SCP2: variants seen among roughly 807,000 people sequenced by gnomAD.
SCP2 encodes sterol carrier protein 2.
In SCP2, 48 loss-of-function variants were observed where a neutral mutation model predicts 71.4. That is an observed-to-expected ratio of 0.67 (90% CI 0.53 to 0.86). The LOEUF (loss-of-function observed/expected upper bound fraction) is 0.86, where lower values mean the gene tolerates loss of function less well. Ranked by LOEUF, SCP2 falls within the 40% of genes least tolerant of loss-of-function variation. The pLI is 0.00. For missense variants in SCP2, 560 were observed against 655.6 expected (o/e 0.85, Z 1.59); for synonymous variants, 220 against 218.1 (o/e 1.01, Z -0.08).
At chr1:52,965,527 A>T (rs960894220) in intron 6 of SCP2, among the ~76,000 whole-genome samples, 5 of 152,124 alleles carry the variant, frequency 3.3e-5, no homozygotes, top group African/African-American at 1.2e-4. Flanking sequence ...TTATTCCTAA[A>T]TACCTTCTTT....
chr1:52,952,566 T>C (rs1655411026), intron 4 of SCP2, among the ~76,000 whole-genome samples: 1 of 152,164 alleles, frequency 6.6e-6, no homozygotes, highest in Admixed American at 6.6e-5. Context: ...TTTTTTTGTT[T>C]CCATCAGTTG....
chr1:52,945,740 G>C (rs1349911793), intron 2 of SCP2, among the ~76,000 whole-genome samples: 1 of 142,400 alleles, frequency 7.0e-6, no homozygotes, highest in East Asian at 1.9e-4. Context: ...TTTAAGTTGT[G>C]CATAATATAT....
intron 10 of SCP2, among the ~76,000 whole-genome samples, chr1:52,983,482 G>A (rs908233461): frequency 4.6e-5 from 7 of 152,066 alleles, no homozygotes; most frequent in African/African-American, 1.7e-4. Flanking sequence ...TTGTCCCATA[G>A]GTCCCTGAAA....
At chr1:52,995,258 C>T (rs1659846094) in intron 11 of SCP2, 2 of 492,062 alleles carry the variant, frequency 4.1e-6, no homozygotes, top group Non-Finnish European at 8.2e-6. Context: ...GTGGTCGAGC[C>T]CTACAACATC....
intron 11 of SCP2, chr1:52,993,984 G>C: frequency 8.0e-7 from 1 of 1,257,310 alleles, no homozygotes. Flanking sequence ...TCAAGTGTCT[G>C]TTCTTTAATT....
intron 11 of SCP2, among the ~76,000 whole-genome samples, chr1:53,004,133 G>A (rs556464865): frequency 9.9e-5 from 15 of 152,274 alleles, no homozygotes; most frequent in African/African-American, 3.6e-4. Flanking sequence ...GATATGCTGG[G>A]CAAAGGGATG....
At chr1:52,990,425 A>G (rs573429565) in intron 11 of SCP2, among the ~76,000 whole-genome samples, 9 of 152,290 alleles carry the variant, frequency 5.9e-5, no homozygotes, top group African/African-American at 1.4e-4. Flanking sequence ...AGGAAACCAT[A>G]TATAAAGAAC....
At chr1:53,044,963 G>A (rs547765404) in intron 14 of SCP2, among the ~76,000 whole-genome samples, 3 of 152,262 alleles carry the variant, frequency 2.0e-5, no homozygotes, top group Non-Finnish European at 4.4e-5. Context: ...ATAGACAAAC[G>A]AAACGAAGAA....
intron 13 of SCP2, among the ~76,000 whole-genome samples, chr1:53,030,868 C>T (rs1375820332): frequency 6.7e-6 from 1 of 149,352 alleles, no homozygotes; most frequent in Non-Finnish European, 1.5e-5. Flanking sequence ...CCACTGTACT[C>T]CAGCCTGGGT....
chr1:52,958,825 G>A (rs542537272), intron 5 of SCP2, among the ~76,000 whole-genome samples: 6 of 152,214 alleles, frequency 3.9e-5, no homozygotes, highest in Non-Finnish European at 7.4e-5. Flanking sequence ...AAAGTGTTGG[G>A]ATTACAGGTG....
rs1655367044 is a variant in SCP2, at chr1:52,952,063, A to G, written c.331+1177A>G. 2.6e-5 allele frequency among the ~76,000 whole-genome samples: 4 copies of G among 152,174 alleles called. No individual in the cohort carries two copies. In the South Asian group the frequency reaches 8.3e-4, roughly 32 times the overall value. ...ACAAAGTGCTGGTGTGAGCCACCAC[A>G]CCTGGTCATATTAGAACATTTTTAT... On this transcript the variant is annotated intron_variant, in intron 4 of 15. Transcript: ENST00000371514.
At chr1:53,020,812 A>G (rs1661664793) in intron 12 of SCP2, among the ~76,000 whole-genome samples, 6 of 152,108 alleles carry the variant, frequency 3.9e-5, no homozygotes, top group Admixed American at 3.9e-4. Flanking sequence ...TCTATGTGTG[A>G]TGGACCCATG....
intron 1 of SCP2, among the ~76,000 whole-genome samples, chr1:52,931,538 A>G (rs1653149071): frequency 6.6e-6 from 1 of 152,260 alleles, no homozygotes; most frequent in Admixed American, 6.5e-5. Context: ...GCTAAAGGGT[A>G]GTACTTCCCA....
At chr1:52,972,807 A>G (rs1657608791) in intron 6 of SCP2, among the ~76,000 whole-genome samples, 1 of 152,048 alleles carries the variant, frequency 6.6e-6, no homozygotes, top group South Asian at 2.1e-4. Context: ...TCTCTTAACT[A>G]CTCTCATTAG....
chr1:53,009,763 C>T (rs560468348), intron 11 of SCP2, among the ~76,000 whole-genome samples: 1 of 152,236 alleles, frequency 6.6e-6, no homozygotes, highest in Non-Finnish European at 1.5e-5. Context: ...CAACAAAAGC[C>T]AAAATTGACA....
At chr1:53,033,528 C>T (rs146321972) in intron 13 of SCP2, among the ~76,000 whole-genome samples, 6 of 147,996 alleles carry the variant, frequency 4.1e-5, no homozygotes, top group Middle Eastern at 3.8e-3. Context: ...TCACTTGAAC[C>T]GAGGAGGCAG....
intron 13 of SCP2, among the ~76,000 whole-genome samples, chr1:53,035,022 A>G (rs72903173): frequency 0.098 from 14,918 of 151,848 alleles, 1,459 homozygotes; most frequent in African/African-American, 0.22. Flanking sequence ...GGAGAATGGC[A>G]TGAACCTGGG....
chr1:52,995,470 T>C (rs893406050), intron 11 of SCP2: 8 of 431,958 alleles, frequency 1.9e-5, no homozygotes, highest in Non-Finnish European at 3.7e-5. Flanking sequence ...CCTCCGCAAG[T>C]TGGCAGTCAA....
At chr1:52,960,658 G>GTA (rs200442130) in intron 5 of SCP2, among the ~76,000 whole-genome samples, 1 of 144,902 alleles carries the variant, frequency 6.9e-6, no homozygotes, top group African/African-American at 2.7e-5. Context: ...GTATATATGT[G>GTA]TATATATATG....
Sources: allele counts gnomAD v4.1 joint callset (sites outside exome capture counted in the v4.1 genomes callset), GRCh38; gene constraint gnomAD v4.1.1; transcripts MANE v1.5; gene names NCBI Gene and HGNC (gene_info 2026-07-23, HGNC 2026-07-21).